Variants in DGKG observed in about 807,000 individuals in gnomAD.
DGKG encodes the protein DAG kinase gamma.
DGKG carries 78 observed loss-of-function variants against 105.3 expected under a neutral mutation model. The ratio of observed to expected loss-of-function variants is 0.74; its 90% confidence interval spans 0.62 to 0.89. The LOEUF is 0.89. DGKG is among the 40% of genes least tolerant of loss of function. The probability of loss-of-function intolerance (pLI) is 0.00; values close to 1 mark genes in which losing one functional copy is unlikely to be tolerated. For missense variants in DGKG, 958 were observed against 1,020.1 expected, an observed-to-expected ratio of 0.94 and a Z score of 0.83; for synonymous variants, 346 against 367.1, an observed-to-expected ratio of 0.94 and a Z score of 0.66.
At position 186,302,560 on chromosome 3, in the gene DGKG, ACATATG is replaced by A. The variant is rs1397354685; in HGVS notation, c.144+4335_145-4332del. On this transcript the variant is annotated intron_variant, in intron 3 of 24. Coordinates refer to ENST00000265022, the MANE Select transcript of DGKG (RefSeq NM_001346.3). ...TATGTATATATATATATATATATAC[ACATATG>A]TATATATATATACCCACATACATAT... Among the ~76,000 whole-genome samples, 118 of 31,714 alleles carry A rather than the reference ACATATG, an allele frequency of 3.7e-3. 2 individuals carry two copies. In the South Asian group the frequency reaches 0.051, roughly 14 times the overall value. The allele number at this position is 31,714 out of a possible 152,430, so 20.8% of individuals were successfully genotyped here. A position where few individuals can be genotyped will look rare whatever the true frequency, so the allele number is the denominator to read the frequency against.
intron 10 of DGKG, among the ~76,000 whole-genome samples, chr3:186,273,174 A>G (rs1448397876): frequency 6.6e-6 from 1 of 152,152 alleles, no homozygotes; most frequent in Non-Finnish European, 1.5e-5. Context: ...TTGCAGTAGT[A>G]CATGAGATAG....
chr3:186,262,657 T>C (rs1165319584), intron 14 of DGKG, among the ~76,000 whole-genome samples: 2 of 152,200 alleles, frequency 1.3e-5, no homozygotes, highest in African/African-American at 4.8e-5. Flanking sequence ...CTAGCCCTAT[T>C]CTACTGTTAT....
At chr3:186,311,555 T>C (rs1457276646) in intron 2 of DGKG, among the ~76,000 whole-genome samples, 1 of 152,156 alleles carries the variant, frequency 6.6e-6, no homozygotes, top group Non-Finnish European at 1.5e-5. Context: ...CTAAGAAGTT[T>C]TCAGTCCAAA....
chr3:186,244,934 G>T (rs1224803322), intron 19 of DGKG, among the ~76,000 whole-genome samples: 1 of 152,074 alleles, frequency 6.6e-6, no homozygotes, highest in African/African-American at 2.4e-5. Flanking sequence ...TGTGACATTT[G>T]TCAAATGCTT....
intron 6 of DGKG, among the ~76,000 whole-genome samples, chr3:186,286,094 G>A (rs1358619041): frequency 6.6e-6 from 1 of 152,162 alleles, no homozygotes; most frequent in Non-Finnish European, 1.5e-5. Context: ...CCTTATTTCT[G>A]CTAAGTTGTC....
At chr3:186,162,221 A>G (rs961354504) in intron 23 of DGKG, among the ~76,000 whole-genome samples, 2 of 152,180 alleles carry the variant, frequency 1.3e-5, no homozygotes, top group Non-Finnish European at 2.9e-5. Context: ...TAAGCACTAC[A>G]GGGGATTCTA....
At chr3:186,244,832 C>T (rs539362190) in intron 19 of DGKG, among the ~76,000 whole-genome samples, 73 of 152,230 alleles carry the variant, frequency 4.8e-4, no homozygotes, top group Admixed American at 3.0e-3. Context: ...CAGCCTGCAC[C>T]GCTTCCCTGG....
intron 20 of DGKG, among the ~76,000 whole-genome samples, chr3:186,232,940 A>G (rs922710143): frequency 1.3e-5 from 2 of 152,202 alleles, no homozygotes; most frequent in Non-Finnish European, 2.9e-5. Flanking sequence ...AATAACAATC[A>G]TAATAGCTAC....
intron 8 of DGKG, 85 bp downstream of exon 8, chr3:186,280,585 G>A: frequency 9.0e-7 from 1 of 1,109,240 alleles, no homozygotes; most frequent in East Asian, 2.4e-5. Context: ...CACCTGCAGG[G>A]TTAACACTCA....
At chr3:186,150,375 G>A (rs914137197) in intron 24 of DGKG, among the ~76,000 whole-genome samples, 187 bp from the exon 25 acceptor site, 2 of 152,088 alleles carry the variant, frequency 1.3e-5, no homozygotes, top group African/African-American at 2.4e-5. Context: ...TGGCACGGCT[G>A]GAAGTGAGGG....
At chr3:186,282,105 A>G (rs1722857153) in intron 7 of DGKG, among the ~76,000 whole-genome samples, 1 of 152,206 alleles carries the variant, frequency 6.6e-6, no homozygotes, top group African/African-American at 2.4e-5. Context: ...TGGGATAGGT[A>G]TTCCATTTGT....
intron 20 of DGKG, among the ~76,000 whole-genome samples, chr3:186,232,045 G>C (rs1720177109): frequency 6.6e-6 from 1 of 152,136 alleles, no homozygotes; most frequent in African/African-American, 2.4e-5. Context: ...CTATAGACAG[G>C]ACCCAGAATC....
chr3:186,186,893 A>T (rs1717664578), intron 22 of DGKG, among the ~76,000 whole-genome samples: 1 of 152,210 alleles, frequency 6.6e-6, no homozygotes, highest in South Asian at 2.1e-4. Context: ...CTGTGTTTGT[A>T]TTCTGGTGAG....
At chr3:186,274,354 AT>A (rs1423030388) in intron 10 of DGKG, among the ~76,000 whole-genome samples, 1 of 151,296 alleles carries the variant, frequency 6.6e-6, no homozygotes, top group African/African-American at 2.4e-5. Context: ...TGCCCAGCTA[AT>A]TTTTTTTTAG....
intron 1 of DGKG, among the ~76,000 whole-genome samples, chr3:186,355,463 T>C (rs552594787): frequency 6.2e-5 from 9 of 145,486 alleles, no homozygotes; most frequent in African/African-American, 1.8e-4. Context: ...ACCACCATTA[T>C]CATAACCCCC....
intron 22 of DGKG, among the ~76,000 whole-genome samples, chr3:186,165,407 C>T (rs1005716410): frequency 6.6e-6 from 1 of 152,178 alleles, no homozygotes; most frequent in African/African-American, 2.4e-5. Context: ...AGGGCCATTA[C>T]CCAAAGCTGG....
At chr3:186,200,249 C>T (rs1718384656) in intron 21 of DGKG, among the ~76,000 whole-genome samples, 1 of 152,116 alleles carries the variant, frequency 6.6e-6, no homozygotes, top group African/African-American at 2.4e-5. Context: ...GTGGAGGATG[C>T]TCTGTGTGCC....
Position 186,149,348 on chromosome 3 carries a change from A to C in DGKG, c.*742T>G, listed in dbSNP as rs568673319. 1.0e-6 allele frequency: 1 copy of C among 985,336 alleles called. No homozygotes were observed. Among genetic ancestry groups the C allele is most frequent in the East Asian group, 1.1e-4 (1 of 8,806 alleles). 61.0% of individuals were successfully genotyped at this position (985,336 alleles called of 1,614,324 possible). ...TCACAGAACTAAGAAAATAAATACC[A>C]CATCTAAGGTGTGCTATGCAGGCAG... On this transcript the variant is annotated 3_prime_UTR_variant, in exon 25 of 25. Coordinates refer to ENST00000265022, the MANE Select transcript of DGKG (RefSeq NM_001346.3).
intron 1 of DGKG, among the ~76,000 whole-genome samples, chr3:186,345,524 G>A (rs763959183): frequency 6.6e-6 from 1 of 152,156 alleles, no homozygotes; most frequent in African/African-American, 2.4e-5. Flanking sequence ...GATTCAGAAG[G>A]TGGGTTATTG....
Sources: allele counts gnomAD v4.1 joint callset (sites outside exome capture counted in the v4.1 genomes callset), GRCh38; gene constraint gnomAD v4.1.1; transcripts MANE v1.5; gene names NCBI Gene and HGNC (gene_info 2026-07-23, HGNC 2026-07-21).